The following PTPRD variants were observed in gnomAD, a reference collection of about 807,000 sequenced individuals.
PTPRD encodes the protein receptor-type tyrosine-protein phosphatase delta.
A neutral mutation model predicts 214.5 loss-of-function variants in PTPRD; 34 were observed. The ratio of observed to expected loss-of-function variants is 0.16; its 90% confidence interval spans 0.12 to 0.21. The LOEUF (loss-of-function observed/expected upper bound fraction) is 0.21, where lower values mean the gene tolerates loss of function less well. Among genes scored for constraint, PTPRD ranks in the 10% least tolerant of loss-of-function variants. PTPRD has a pLI of 1.00. For synonymous variants in PTPRD, 1,128 were observed against 845.7 expected, an observed-to-expected ratio of 1.33 and a Z score of -5.79; for missense variants, 2,545 against 2,398.7, an observed-to-expected ratio of 1.06 and a Z score of -1.27.
At chr9:8,834,556 A>C (rs1430343284) in intron 11 of PTPRD, among the ~76,000 whole-genome samples, 1 of 152,184 alleles carries the variant, frequency 6.6e-6, no homozygotes, top group East Asian at 1.9e-4. Flanking sequence ...AATACTAATA[A>C]AAATTGATTT....
intron 11 of PTPRD, among the ~76,000 whole-genome samples, chr9:8,990,205 G>C (rs1589392921): frequency 6.6e-6 from 1 of 152,156 alleles, no homozygotes; most frequent in Non-Finnish European, 1.5e-5. Context: ...ACTGGCCTCT[G>C]GACTTAAAGA....
Position 8,340,553 on chromosome 9 carries a change from G to A in PTPRD, c.5127-84C>T, listed in dbSNP as rs1851503400. The A allele has an allele frequency of 3.7e-6, 5 of 1,355,124 alleles. No homozygotes were observed. In the Admixed American group the frequency reaches 9.7e-5, roughly 26 times the overall value. The allele number at this position is 1,355,124 out of a possible 1,614,324, so 83.9% of individuals were successfully genotyped here. ...ACACTGGATACATAAACATCAACCT[G>A]CTAATAAAAAACGAAAACATATTAT... On this transcript the variant is annotated intron_variant, in intron 41 of 45. Transcript: ENST00000381196.
chr9:9,874,538 G>C (rs1330857460), intron 5 of PTPRD, among the ~76,000 whole-genome samples: 2 of 152,100 alleles, frequency 1.3e-5, no homozygotes, highest in African/African-American at 4.8e-5. Flanking sequence ...TAAAACAGGT[G>C]CTAGATTTAG....
chr9:9,407,383 G>C (rs2073869888), intron 8 of PTPRD, among the ~76,000 whole-genome samples: 1 of 151,578 alleles, frequency 6.6e-6, no homozygotes, highest in Admixed American at 6.6e-5. Flanking sequence ...TATAAATAAT[G>C]GTTCTATAAA....
At chr9:8,941,116 T>C (rs1240862284) in intron 11 of PTPRD, among the ~76,000 whole-genome samples, 1 of 152,116 alleles carries the variant, frequency 6.6e-6, no homozygotes, top group Admixed American at 6.5e-5. Context: ...CCAAGTCAGG[T>C]AAATGAACTT....
At chr9:9,345,684 C>A (rs1409444797) in intron 9 of PTPRD, among the ~76,000 whole-genome samples, 1 of 152,064 alleles carries the variant, frequency 6.6e-6, no homozygotes, top group Non-Finnish European at 1.5e-5. Context: ...TATCTAGATG[C>A]AAATCCTGAT....
intron 4 of PTPRD, among the ~76,000 whole-genome samples, chr9:9,962,210 GA>G (rs1168709483): frequency 6.6e-6 from 1 of 151,996 alleles, no homozygotes; most frequent in African/African-American, 2.4e-5. Flanking sequence ...AATACGTCAG[GA>G]ATTTATGACT....
At position 10,276,496 on chromosome 9, in the gene PTPRD, T is replaced by C. The variant is rs1298280059; in HGVS notation, c.-545+64467A>G. 2.0e-5 allele frequency among the ~76,000 whole-genome samples: 3 copies of C among 152,238 alleles called. 1 individual carries two copies. The highest frequency in any genetic ancestry group is 2.0e-4 in the Admixed American group (3 of 15,288). On this transcript the variant is annotated intron_variant, in intron 3 of 45. Transcript: ENST00000381196. ...AATCAAGACAAAGCCATTAAAATTA[T>C]TGTATAAAATTAATTTGAGCAACAA...
chr9:9,483,191 C>T (rs1284489897), intron 8 of PTPRD, among the ~76,000 whole-genome samples: 3 of 152,160 alleles, frequency 2.0e-5, no homozygotes, highest in African/African-American at 7.2e-5. Context: ...CAGAAAGACT[C>T]AGTGGAGACA....
intron 3 of PTPRD, among the ~76,000 whole-genome samples, chr9:10,141,877 C>T (rs1265815978): frequency 2.6e-5 from 4 of 152,116 alleles, no homozygotes; most frequent in African/African-American, 9.7e-5. Flanking sequence ...GTAACCAAAA[C>T]AGCATGGTAC....
intron 10 of PTPRD, among the ~76,000 whole-genome samples, chr9:9,081,412 C>T (rs1436078588): frequency 2.0e-5 from 3 of 151,936 alleles, no homozygotes; most frequent in Admixed American, 1.3e-4. Flanking sequence ...GTTTTACTTC[C>T]AATTATGTGG....
intron 2 of PTPRD, among the ~76,000 whole-genome samples, chr9:10,575,288 T>C (rs1043506651): frequency 6.6e-6 from 1 of 152,032 alleles, no homozygotes. Flanking sequence ...TCTTGAAGAA[T>C]ATGAAAGTTG....
chr9:8,565,283 A>G lies in PTPRD; in HGVS notation c.353-36504T>C, dbSNP rs113218590. Among the ~76,000 whole-genome samples the G allele has an allele frequency of 6.0e-3, 910 of 152,290 alleles. 7 individuals carry two copies. The highest frequency in any genetic ancestry group is 0.02 in the Middle Eastern group (6 of 294). ...CACAATGAAGTTTGAAATGTAATCA[A>G]CTGCTATTTTAAATTTGACCTTTTT... On this transcript the variant is annotated intron_variant, in intron 14 of 45. Coordinates refer to ENST00000381196, the MANE Select transcript of PTPRD (RefSeq NM_002839.4).
chr9:8,398,943 T>TCAGATTAATA (rs1446487060), intron 36 of PTPRD, among the ~76,000 whole-genome samples: 1 of 152,140 alleles, frequency 6.6e-6, no homozygotes, highest in Admixed American at 6.6e-5. Context: ...TTAAAAAAAA[T>TCAGATTAATA]CAGATTAATA....
chr9:9,906,094 ACTC>A (rs1192443847), intron 5 of PTPRD, among the ~76,000 whole-genome samples: 3 of 151,984 alleles, frequency 2.0e-5, no homozygotes, highest in Admixed American at 2.0e-4. Context: ...TGCGAGGCAA[ACTC>A]CTGGAGTTTT....
rs565718793 is a variant in PTPRD, at chr9:10,568,777, C to T, written c.-600+43621G>A. Among the ~76,000 whole-genome samples the T allele has an allele frequency of 1.9e-3, 287 of 152,064 alleles. 2 individuals carry two copies. The highest frequency in any genetic ancestry group is 6.5e-3 in the African/African-American group (269 of 41,500). ...ACTTTATACAAAAATTAATTCAAGA[C>T]GGATTAAAGACTTAAACGTTAGACC... On this transcript the variant is annotated intron_variant, in intron 2 of 45. Transcript: ENST00000381196.
intron 14 of PTPRD, among the ~76,000 whole-genome samples, chr9:8,629,897 G>T (rs1020419374): frequency 4.6e-5 from 7 of 151,702 alleles, no homozygotes; most frequent in African/African-American, 1.7e-4. Flanking sequence ...CCTCCTTATT[G>T]AAACACAGTT....
rs552385206 is a variant in PTPRD, at chr9:10,612,963, G to A, written c.-983C>T. Reference sequence around the variant, plus strand: ...GAGGCGGCCGCTCCCGCACTCGCTCGCTCGCTCGCTGGCGCTCCCTCCTCG... The same window carrying A: ...GAGGCGGCCGCTCCCGCACTCGCTCACTCGCTCGCTGGCGCTCCCTCCTCG... On this transcript the variant is annotated 5_prime_UTR_variant, in exon 1 of 46. Transcript: ENST00000381196. 5.3e-5 allele frequency among the ~76,000 whole-genome samples: 8 copies of A among 151,306 alleles called. No homozygotes were observed. The East Asian group carries it at 1.6e-3, about 30-fold the overall frequency.
At chr9:9,184,885 T>C (rs1433278065) in intron 9 of PTPRD, among the ~76,000 whole-genome samples, 2 of 152,080 alleles carry the variant, frequency 1.3e-5, no homozygotes, top group Admixed American at 6.6e-5. Flanking sequence ...CCTTCAGGAA[T>C]AGGGAACATA....
Sources: allele counts gnomAD v4.1 joint callset (sites outside exome capture counted in the v4.1 genomes callset), GRCh38; gene constraint gnomAD v4.1.1; transcripts MANE v1.5; gene names NCBI Gene and HGNC (gene_info 2026-07-23, HGNC 2026-07-21).